The following WARS1 variants were observed in gnomAD, a reference collection of about 807,000 sequenced individuals.
WARS1 encodes the protein tryptophanyl-tRNA synthetase 1, also known as tryptophan--tRNA ligase, cytoplasmic.
A neutral mutation model predicts 47.8 loss-of-function variants in WARS1; 17 were observed. The observed-to-expected ratio is 0.36, with a 90% CI of 0.24 to 0.53. WARS1 has a LOEUF of 0.53. Among genes scored for constraint, WARS1 ranks in the 20% least tolerant of loss-of-function variants. The pLI is 0.91. For missense variants in WARS1, 434 were observed against 608.0 expected (o/e 0.71, Z 3.01); for synonymous variants, 208 against 228.1 (o/e 0.91, Z 0.79).
chr14:100,365,152 C>CAT (rs1895884337), intron 2 of WARS1, among the ~76,000 whole-genome samples: 1 of 151,844 alleles, frequency 6.6e-6, no homozygotes, highest in African/African-American at 2.4e-5. Context: ...CACACACACA[C>CAT]ACACACACAC....
intron 2 of WARS1, chr14:100,366,774 C>T: frequency 1.8e-6 from 2 of 1,098,938 alleles, no homozygotes; most frequent in Non-Finnish European, 2.8e-6. Context: ...CACAATGAAG[C>T]TTGAAGATAC....
At chr14:100,368,956 C>T (rs1896173471) in intron 2 of WARS1, 131 bp downstream of exon 2, 1 of 519,844 alleles carries the variant, frequency 1.9e-6, no homozygotes, top group Non-Finnish European at 2.9e-6. Flanking sequence ...AGTGAAATTC[C>T]CTCTCAAAAA....
intron 2 of WARS1, among the ~76,000 whole-genome samples, chr14:100,366,346 A>T (rs1024291251): frequency 6.6e-6 from 1 of 152,214 alleles, no homozygotes; most frequent in Admixed American, 6.5e-5. Flanking sequence ...ACAAAAGGGG[A>T]GCAGCCTGGT....
intron 9 of WARS1, 112 bp downstream of exon 9, chr14:100,342,286 G>C: frequency 6.9e-7 from 1 of 1,454,000 alleles, no homozygotes; most frequent in Non-Finnish European, 9.5e-7. Flanking sequence ...GCATTGCTAC[G>C]GTGGCTGGGT....
At position 100,345,828 on chromosome 14, in the gene WARS1, C is replaced by T. The variant is rs567745812; in HGVS notation, c.826+918G>A. Among the ~76,000 whole-genome samples, 11 of 152,352 alleles carry T rather than the reference C, an allele frequency of 7.2e-5. No individual in the cohort carries two copies. The East Asian group carries it at 7.7e-4, about 11-fold the overall frequency. The stretch of plus-strand genomic sequence containing the variant: ...CTCTATGGCCCGACAGGTGGTGCCA[C>T]GCCAGCCCCCACCAAGTGGCGGTAC... On this transcript the variant is annotated intron_variant, in intron 7 of 10. Transcript: ENST00000392882.
At chr14:100,339,140 C>G (rs1893962324) in intron 9 of WARS1, among the ~76,000 whole-genome samples, 1 of 151,854 alleles carries the variant, frequency 6.6e-6, no homozygotes, top group African/African-American at 2.4e-5. Context: ...CACACACACA[C>G]ACACACAGAA....
chr14:100,369,716 C>T (rs1410354509), intron 1 of WARS1, among the ~76,000 whole-genome samples: 1 of 151,738 alleles, frequency 6.6e-6, no homozygotes, highest in Admixed American at 6.6e-5. Context: ...CTCGCTCTGC[C>T]ACCCAGGCTG....
chr14:100,376,213 C>A, upstream of WARS1: 1 of 326,688 alleles, frequency 3.1e-6, no homozygotes, highest in Non-Finnish European at 5.2e-6. Flanking sequence ...TCCATCACTC[C>A]CTCCCTTGTT....
intron 9 of WARS1, among the ~76,000 whole-genome samples, chr14:100,338,649 G>T (rs1177226078): frequency 6.6e-6 from 1 of 151,344 alleles, no homozygotes; most frequent in African/African-American, 2.4e-5. Flanking sequence ...GGCCAGGCTG[G>T]TCTTGAACTC....
rs899295469 is a variant in WARS1, at chr14:100,359,065, T to C, written c.422+1489A>G. 1.1e-3 allele frequency among the ~76,000 whole-genome samples: 169 copies of C among 152,270 alleles called. 2 individuals carry two copies. The highest frequency in any genetic ancestry group is 3.4e-3 in the Middle Eastern group (1 of 294). On this transcript the variant is annotated intron_variant, in intron 4 of 10. Coordinates refer to ENST00000392882, the MANE Select transcript of WARS1 (RefSeq NM_004184.4). ...AGAAATGGGAAGCTTCCTATGTTGC[T>C]GGTGGGAAAGTAAAATGATACAGTT...
At chr14:100,342,658 G>A (rs1894248810) in intron 8 of WARS1, 87 bp from the exon 9 acceptor site, 1 of 1,299,842 alleles carries the variant, frequency 7.7e-7, no homozygotes. Flanking sequence ...CATCTTCCCA[G>A]AAGGCTCTCA....
intron 5 of WARS1, 38 bp downstream of exon 5, chr14:100,354,409 C>T: frequency 1.2e-6 from 2 of 1,601,618 alleles, no homozygotes; most frequent in Non-Finnish European, 1.7e-6. Context: ...TCTCAATTCA[C>T]TAAGAGAGTA....
intron 2 of WARS1, among the ~76,000 whole-genome samples, chr14:100,364,117 G>C (rs1019389451): frequency 2.0e-5 from 3 of 152,188 alleles, no homozygotes; most frequent in Non-Finnish European, 4.4e-5. Flanking sequence ...TGAAAATTCA[G>C]TGAGGTGCCT....
chr14:100,344,259 T>TAA, intron 7 of WARS1, among the ~76,000 whole-genome samples: 1 of 152,184 alleles, frequency 6.6e-6, no homozygotes, highest in Non-Finnish European at 1.5e-5. Context: ...GTTTTCGGAT[T>TAA]TTTTTGGTGG....
At position 100,346,450 on chromosome 14, in the gene WARS1, A is replaced by G. The variant is rs148925721; in HGVS notation, c.826+296T>C. Among the ~76,000 whole-genome samples the G allele has an allele frequency of 6.2e-3, 943 of 152,328 alleles. 6 individuals are homozygous for G. Among genetic ancestry groups the G allele is most frequent in the Middle Eastern group, 0.01 (3 of 294 alleles). Reference sequence around the variant, plus strand: ...GTCCCACCAGAGCTGTTGGAACTCCAAAGTCATCCTTAGATTTTTCTTTCT... The same window carrying G: ...GTCCCACCAGAGCTGTTGGAACTCCGAAGTCATCCTTAGATTTTTCTTTCT... On this transcript the variant is annotated intron_variant, in intron 7 of 10. Coordinates refer to ENST00000392882, the MANE Select transcript of WARS1 (RefSeq NM_004184.4).
In WARS1 at chr14:100,342,416, G is replaced by C. The variant is rs574508058; in HGVS notation, c.1095C>G (p.Ala365=). 5.0e-6 allele frequency: 8 copies of C among 1,614,002 alleles called. No homozygotes were observed. In the South Asian group the frequency reaches 8.8e-5, roughly 18 times the overall value. ...PNSSIFLTDT[A]KQIKTKVNKH... Reference sequence around the variant, plus strand: ...TGCTCACCTTGGTTTTGATCTGCTTGGCCGTGTCGGTGAGGAAGATGGAGG... The same window carrying C: ...TGCTCACCTTGGTTTTGATCTGCTTCGCCGTGTCGGTGAGGAAGATGGAGG... The change falls in exon 9 of 11, where the codon GCC becomes GCG. Residue 365 remains alanine, a synonymous_variant. Transcript: ENST00000392882.
intron 2 of WARS1, chr14:100,365,725 CTTCT>C (rs1018682004): frequency 3.5e-5 from 5 of 141,486 alleles, no homozygotes; most frequent in South Asian, 1.0e-4. Context: ...AAGCAGAGAT[CTTCT>C]TTTTTTTTTT....
At position 100,353,772 on chromosome 14, in the gene WARS1, A is replaced by T. The variant is rs1171657157; in HGVS notation, c.640T>A (p.Tyr214Asn). 6.2e-7 allele frequency: 1 copy of T among 1,614,156 alleles called. No homozygotes were observed. Among genetic ancestry groups the T allele is most frequent in the African/African-American group, 1.3e-5 (1 of 75,028 alleles). ...ATGTCCTTGGCATTCTCCACAGCATAGCTATAGGCCTGGTCCAGGGTCAGG... is the reference window on the plus strand; with the variant it reads ...ATGTCCTTGGCATTCTCCACAGCATTGCTATAGGCCTGGTCCAGGGTCAGG... The part of the protein sequence containing the change: ...KDLTLDQAYS[Y>N]AVENAKDIIA... Residue 214 changes from tyrosine to asparagine, a missense_variant, in exon 6 of 11, where the codon TAT becomes AAT. Transcript: ENST00000392882.
At chr14:100,341,203 A>G (rs1894140688) in intron 9 of WARS1, among the ~76,000 whole-genome samples, 1 of 152,212 alleles carries the variant, frequency 6.6e-6, no homozygotes, top group Admixed American at 6.5e-5. Flanking sequence ...GGTGTGAGCT[A>G]TCGCACCTGG....
Sources: gnomAD v4.1 joint callset for allele counts (sites outside exome capture counted in the v4.1 genomes callset) on GRCh38, gnomAD v4.1.1 for gene constraint, MANE v1.5 for transcripts, NCBI Gene and HGNC (gene_info 2026-07-23, HGNC 2026-07-21) for gene names.